LTBP1: variants seen among roughly 807,000 people sequenced by gnomAD.
LTBP1 encodes the protein latent-transforming growth factor beta-binding protein 1.
In LTBP1, 129 loss-of-function variants were observed where a neutral mutation model predicts 207.6. That is an observed-to-expected ratio of 0.62 (90% CI 0.54 to 0.72). The LOEUF is 0.72. Ranked by LOEUF, LTBP1 falls within the 30% of genes least tolerant of loss-of-function variation. The pLI, the probability that LTBP1 is intolerant of heterozygous loss-of-function variation, is 0.00. For missense variants in LTBP1, 2,281 were observed against 2,217.2 expected (o/e 1.03, Z -0.58); for synonymous variants, 963 against 833.7 (o/e 1.16, Z -2.67).
intron 3 of LTBP1, among the ~76,000 whole-genome samples, chr2:33,081,131 A>G (rs1182776163): frequency 6.6e-6 from 1 of 150,534 alleles, no homozygotes; most frequent in African/African-American, 2.4e-5. Flanking sequence ...GAACTTAGCA[A>G]AGCCCCTTTG....
chr2:33,026,946 C>G (rs894893831), intron 3 of LTBP1, among the ~76,000 whole-genome samples: 3 of 152,232 alleles, frequency 2.0e-5, no homozygotes, highest in African/African-American at 7.2e-5. Flanking sequence ...CATCTTCCTC[C>G]TCACCGGAGG....
At chr2:33,141,347 T>C (rs1015720517) in intron 5 of LTBP1, among the ~76,000 whole-genome samples, 11 of 152,202 alleles carry the variant, frequency 7.2e-5, no homozygotes, top group African/African-American at 2.2e-4. Context: ...GAAAAAGTTC[T>C]GGAGATTTGA....
chr2:33,358,498 C>T (rs1445700623), intron 26 of LTBP1, among the ~76,000 whole-genome samples: 2 of 151,588 alleles, frequency 1.3e-5, no homozygotes, highest in Non-Finnish European at 2.9e-5. Flanking sequence ...ACTCGAGAAG[C>T]CTATAGTTTC....
chr2:33,039,194 G>A (rs1357352473), intron 3 of LTBP1, among the ~76,000 whole-genome samples: 1 of 152,002 alleles, frequency 6.6e-6, no homozygotes, highest in South Asian at 2.1e-4. Flanking sequence ...GAAAATTGAA[G>A]TTCTGTTCAT....
intron 7 of LTBP1, among the ~76,000 whole-genome samples, chr2:33,203,682 A>G (rs543794762): frequency 6.6e-6 from 1 of 152,302 alleles, no homozygotes; most frequent in South Asian, 2.1e-4. Flanking sequence ...TGGAATATCA[A>G]ATTACCATAT....
At position 33,102,018 on chromosome 2, in the gene LTBP1, C is replaced by T. The variant is rs573542918; in HGVS notation, c.864-8564C>T. ...AAGAGAAGAGGATATGTCTTGTGTCCAGGCAACTTGAGTATAGGGCCACCT... is the reference window on the plus strand; with the variant it reads ...AAGAGAAGAGGATATGTCTTGTGTCTAGGCAACTTGAGTATAGGGCCACCT... On this transcript the variant is annotated intron_variant, in intron 3 of 33. Coordinates refer to ENST00000404816, the MANE Select transcript of LTBP1 (RefSeq NM_206943.4). Among the ~76,000 whole-genome samples the T allele has an allele frequency of 3.9e-5, 6 of 152,174 alleles. No individual in the cohort carries two copies. The South Asian group carries it at 1.2e-3, about 32-fold the overall frequency.
intron 24 of LTBP1, among the ~76,000 whole-genome samples, chr2:33,321,395 C>G (rs976659816): frequency 2.6e-5 from 4 of 152,134 alleles, no homozygotes; most frequent in Admixed American, 6.5e-5. Context: ...GATATCACAA[C>G]CGAGAGAAGG....
At position 33,228,697 on chromosome 2, in the gene LTBP1, C is replaced by CTTTTTTTTTTTTTTTTTTTTTTTTTTTT. The variant is rs1244221993; in HGVS notation, c.1876+6567_1876+6568insTTTTTTTTTTTTTTTTTTTTTTTTTTTT. On this transcript the variant is annotated intron_variant, in intron 9 of 33. Transcript: ENST00000404816. ...TAATAAGCCCAACCAGGGTTATACC[C>CTTTTTTTTTTTTTTTTTTTTTTTTTTTT]TTTTTTTTTTTTTTTTTTTTTGAGA... Among the ~76,000 whole-genome samples the CTTTTTTTTTTTTTTTTTTTTTTTTTTTT allele has an allele frequency of 9.8e-4, 97 of 99,044 alleles. 27 individuals are homozygous for CTTTTTTTTTTTTTTTTTTTTTTTTTTTT. The highest frequency in any genetic ancestry group is 1.1e-3 in the Admixed American group (9 of 8,002). 65.0% of individuals were successfully genotyped at this position (99,044 alleles called of 152,430 possible).
intron 31 of LTBP1, among the ~76,000 whole-genome samples, chr2:33,388,957 A>G (rs1446457114): frequency 6.6e-6 from 1 of 152,128 alleles, no homozygotes; most frequent in Non-Finnish European, 1.5e-5. Context: ...AATATTTTTG[A>G]TCTTCAATTT....
intron 5 of LTBP1, among the ~76,000 whole-genome samples, chr2:33,182,119 T>C (rs6759943): frequency 0.52 from 78,523 of 151,772 alleles, 20,532 homozygotes; most frequent in African/African-American, 0.53. Context: ...TACTGGACTT[T>C]TATTGGTTGA....
At chr2:33,397,978 T>G (rs2095374895) in intron 33 of LTBP1, among the ~76,000 whole-genome samples, 1 of 152,290 alleles carries the variant, frequency 6.6e-6, no homozygotes, top group African/African-American at 2.4e-5. Flanking sequence ...GTGAATGTTA[T>G]GGAAGGCTTT....
At chr2:33,043,512 G>T (rs531908914) in intron 3 of LTBP1, among the ~76,000 whole-genome samples, 1 of 152,132 alleles carries the variant, frequency 6.6e-6, no homozygotes, top group Admixed American at 6.6e-5. Context: ...GAGAAGACAG[G>T]AGCCACGTGC....
intron 26 of LTBP1, among the ~76,000 whole-genome samples, chr2:33,359,153 A>G (rs2094897971): frequency 6.6e-6 from 1 of 152,188 alleles, no homozygotes; most frequent in Admixed American, 6.5e-5. Context: ...AAATCTGTCA[A>G]AGACAAAATA....
chr2:33,251,664 C>CAAAAAAA (rs537403994), intron 10 of LTBP1, among the ~76,000 whole-genome samples: 4 of 65,846 alleles, frequency 6.1e-5, no homozygotes, highest in East Asian at 5.5e-4. Context: ...GACTCAGTCT[C>CAAAAAAA]AAAAAAAAAA....
intron 31 of LTBP1, among the ~76,000 whole-genome samples, chr2:33,375,955 A>G (rs1251358182): frequency 2.6e-5 from 4 of 152,094 alleles, no homozygotes; most frequent in African/African-American, 4.8e-5. Flanking sequence ...TATAAGTCCA[A>G]TAACCTTCTA....
intron 28 of LTBP1, among the ~76,000 whole-genome samples, chr2:33,363,015 A>G (rs546258174): frequency 4.8e-4 from 73 of 152,340 alleles, no homozygotes; most frequent in Non-Finnish European, 9.9e-4. Flanking sequence ...CATCTCAACT[A>G]GTGAATGGGC....
intron 31 of LTBP1, among the ~76,000 whole-genome samples, chr2:33,380,774 T>G (rs1403087652): frequency 6.6e-6 from 1 of 152,176 alleles, no homozygotes; most frequent in Admixed American, 6.5e-5. Context: ...AACATGAAAT[T>G]AAGCACTCTA....
intron 4 of LTBP1, among the ~76,000 whole-genome samples, chr2:33,112,839 C>T (rs546606958): frequency 6.6e-6 from 1 of 152,222 alleles, no homozygotes; most frequent in African/African-American, 2.4e-5. Context: ...AGAAGCCTTA[C>T]ATGGAACAGA....
chr2:33,163,286 G>A (rs143045753), intron 5 of LTBP1, among the ~76,000 whole-genome samples: 1 of 152,306 alleles, frequency 6.6e-6, no homozygotes, highest in East Asian at 1.9e-4. Context: ...GCCTTTAAGA[G>A]GCTTTAAATT....
Sources: allele counts gnomAD v4.1 joint callset (sites outside exome capture counted in the v4.1 genomes callset), GRCh38; gene constraint gnomAD v4.1.1; transcripts MANE v1.5; gene names NCBI Gene and HGNC (gene_info 2026-07-23, HGNC 2026-07-21).